The following THBS4 variants were observed in gnomAD, a reference collection of about 807,000 sequenced individuals.
The protein encoded by THBS4 is thrombospondin-4.
Under a neutral mutation model 115.7 loss-of-function variants are expected in THBS4, and 90 were observed. The observed-to-expected ratio is 0.78, with a 90% confidence interval of 0.66 to 0.93. The LOEUF is 0.93. Ranked by LOEUF, THBS4 falls within the 40% of genes least tolerant of loss-of-function variation. The probability of loss-of-function intolerance (pLI) is 0.00; values close to 1 mark genes in which losing one functional copy is unlikely to be tolerated. For synonymous variants in THBS4, 460 were observed against 479.3 expected (o/e 0.96, Z 0.53); for missense variants, 1,087 against 1,232.7 (o/e 0.88, Z 1.77).
chr5:80,070,477 G>T, intron 11 of THBS4, 67 bp downstream of exon 11: 2 of 1,498,182 alleles, frequency 1.3e-6, no homozygotes, highest in Non-Finnish European at 1.9e-6. Context: ...TCTTCTATGG[G>T]GAGAGGTTCT....
chr5:80,083,075 T>G lies in THBS4; in HGVS notation c.2825-5T>G, dbSNP rs1743610518. ...CTAACCTCCCTGTGCCCATTCCTAT[T>G]GCAGACACCATCCCTGAGGACTTCC... On this transcript the variant is annotated splice_region_variant and splice_polypyrimidine_tract_variant and intron_variant, in intron 21 of 21. Transcript: ENST00000350881. 1 of 1,613,702 alleles carries G rather than the reference T, an allele frequency of 6.2e-7. No individual in the cohort carries two copies. Among genetic ancestry groups the G allele is most frequent in the South Asian group, 1.1e-5 (1 of 91,088 alleles).
At chr5:80,033,602 T>C (rs1350632023), upstream of THBS4, among the ~76,000 whole-genome samples, 1 of 152,172 alleles carries the variant, frequency 6.6e-6, no homozygotes, top group African/African-American at 2.4e-5. Flanking sequence ...TGCTCTCTAG[T>C]CTCCCATTTT....
rs746496657 is a variant in THBS4 at position 80,061,681 on chromosome 5, T to G, written c.988-14T>G. On this transcript the variant is annotated splice_polypyrimidine_tract_variant and intron_variant, in intron 7 of 21. Coordinates refer to ENST00000350881, the MANE Select transcript of THBS4 (RefSeq NM_003248.6). ...CTCGGTGTGGCTAAAGACTTTGAAC[T>G]TTTTTGTCTCCAGTGCAAATACCAT... The G allele has an allele frequency of 6.3e-7, 1 of 1,594,882 alleles. No homozygotes were observed. The highest frequency in any genetic ancestry group is 2.2e-5 in the East Asian group (1 of 44,512).
At chr5:80,079,649 T>C (rs1264429058) in intron 19 of THBS4, among the ~76,000 whole-genome samples, 2 of 152,178 alleles carry the variant, frequency 1.3e-5, no homozygotes, top group Non-Finnish European at 2.9e-5. Context: ...GGAGCCCTCA[T>C]TGGGCAAATG....
intron 2 of THBS4, among the ~76,000 whole-genome samples, chr5:80,006,620 A>G (rs1020546234): frequency 2.0e-5 from 3 of 152,166 alleles, no homozygotes; most frequent in Admixed American, 6.5e-5. Flanking sequence ...TCACTGTCAG[A>G]TTGGACACTT....
At position 80,055,967 on chromosome 5, in the gene THBS4, G is replaced by A. The variant is rs765249108; in HGVS notation, c.475G>A (p.Ala159Thr). The A allele has an allele frequency of 2.5e-6, 4 of 1,613,948 alleles. No homozygotes were observed. In the East Asian group the frequency reaches 8.9e-5, roughly 36 times the overall value. Residue 159 changes from alanine to threonine, a missense_variant, in exon 3 of 22, where the codon GCC (alanine) becomes ACC (threonine). Around this residue, in one of 3 missense-constraint regions of THBS4, gnomAD observed 979 missense variants for 1,103.7 expected, o/e 0.89. Coordinates refer to ENST00000350881, the MANE Select transcript of THBS4 (RefSeq NM_003248.6). Reference sequence around the variant, plus strand: ...GGATTCCGTTCACAATCTCCCCAGGGCCTTTGCTGGCCCCTCCCAGAAACC... The same window carrying A: ...GGATTCCGTTCACAATCTCCCCAGGACCTTTGCTGGCCCCTCCCAGAAACC... The part of the protein sequence containing the change: ...QVDSVHNLPR[A>T]FAGPSQKPET...
In THBS4 at chr5:80,056,037, G is replaced by GAA; in HGVS notation, c.540+6_540+7dup. 3 of 1,592,692 alleles carry GAA rather than the reference G, an allele frequency of 1.9e-6. No homozygotes were observed. The highest frequency in any genetic ancestry group is 2.6e-6 in the Non-Finnish European group (3 of 1,166,152). On this transcript the variant is annotated splice_donor_region_variant and intron_variant, in intron 3 of 21. Coordinates refer to ENST00000350881, the MANE Select transcript of THBS4 (RefSeq NM_003248.6). ...ACTTTCCAGAGGAAGCCACAGGTAG[G>GAA]AACCCACAAACCATTCTCTGAAGTG...
upstream of THBS4, among the ~76,000 whole-genome samples, chr5:80,034,374 G>A (rs1580927983): frequency 6.6e-6 from 1 of 152,172 alleles, no homozygotes; most frequent in Non-Finnish European, 1.5e-5. Context: ...ATTAAACTTT[G>A]AAATGGAATT....
At chr5:80,053,234 G>T (rs1000383299) in intron 2 of THBS4, 1 of 151,510 alleles carries the variant, frequency 6.6e-6, no homozygotes, top group African/African-American at 2.4e-5. Context: ...ACAAAATACT[G>T]GGAATGTCTT....
chr5:80,074,957 C>A (rs1031045439), intron 15 of THBS4, among the ~76,000 whole-genome samples: 5 of 152,008 alleles, frequency 3.3e-5, no homozygotes, highest in Non-Finnish European at 7.4e-5. Flanking sequence ...GTATTGGTCC[C>A]AGGATACCCC....
chr5:80,038,224 T>G (rs960348859), intron 1 of THBS4, among the ~76,000 whole-genome samples: 3 of 152,202 alleles, frequency 2.0e-5, no homozygotes, highest in Admixed American at 6.5e-5. Context: ...CGGGGATAGC[T>G]TCTATTAACA....
rs906626563 is a variant in THBS4, at chr5:80,073,391, T to G, written c.1892+64T>G. The G allele has an allele frequency of 3.1e-5, 36 of 1,178,170 alleles. No homozygotes were observed. In the African/African-American group the frequency reaches 5.6e-4, roughly 18 times the overall value. 73.0% of individuals were successfully genotyped at this position (1,178,170 alleles called of 1,614,324 possible). A position where few individuals can be genotyped will look rare whatever the true frequency, so the allele number is the denominator to read the frequency against. ...ACATCCGGAGAGGGTTTTTGGTTTG[T>G]TTTTTTTTTTGAGGCGGAGTCTCAC... is the stretch of plus-strand genomic sequence containing the variant. On this transcript the variant is annotated intron_variant, in intron 15 of 21. Coordinates refer to ENST00000350881, the MANE Select transcript of THBS4 (RefSeq NM_003248.6).
chr5:79,995,686 G>A (rs954941330), intron 1 of THBS4, among the ~76,000 whole-genome samples: 1 of 152,150 alleles, frequency 6.6e-6, no homozygotes, highest in African/African-American at 2.4e-5. Flanking sequence ...GGCAGGCATT[G>A]AAAATGAGAG....
chr5:80,040,047 C>G, intron 1 of THBS4, 30 bp from the exon 2 acceptor site: 1 of 1,603,272 alleles, frequency 6.2e-7, no homozygotes, highest in Admixed American at 1.7e-5. Context: ...GAATCTTTCA[C>G]TTATACCCCT....
intron 15 of THBS4, 30 bp from the exon 16 acceptor site, chr5:80,076,825 G>A (rs752622540): frequency 2.0e-6 from 3 of 1,509,372 alleles, no homozygotes; most frequent in African/African-American, 1.4e-5. Flanking sequence ...GCTGAACTGT[G>A]AGCCACATCA....
At chr5:80,060,005 G>T (rs2112099357) in intron 7 of THBS4, 100 bp downstream of exon 7, 1 of 1,209,886 alleles carries the variant, frequency 8.3e-7, no homozygotes, top group East Asian at 2.3e-5. Flanking sequence ...GCTGACTTGG[G>T]CTGTCCTCCA....
chr5:80,044,364 C>G (rs1832993887), intron 2 of THBS4, among the ~76,000 whole-genome samples: 1 of 152,128 alleles, frequency 6.6e-6, no homozygotes, highest in African/African-American at 2.4e-5. Context: ...AAATGACATA[C>G]ACCATTGTGA....
At chr5:80,045,826 C>T (rs1010836877) in intron 2 of THBS4, among the ~76,000 whole-genome samples, 4 of 152,094 alleles carry the variant, frequency 2.6e-5, no homozygotes, top group Admixed American at 1.3e-4. Flanking sequence ...CAACCATGCC[C>T]GGCCCTATGG....
chr5:80,042,478 A>G (rs1411309168), intron 2 of THBS4, among the ~76,000 whole-genome samples: 2 of 152,074 alleles, frequency 1.3e-5, no homozygotes, highest in East Asian at 1.9e-4. Context: ...CTCACCCTCT[A>G]TTTCTAAATT....
Sources: gnomAD v4.1 joint callset for allele counts (sites outside exome capture counted in the v4.1 genomes callset) on GRCh38, gnomAD v4.1.1 for gene constraint, gnomAD v4.1.1 regional missense constraint, MANE v1.5 for transcripts, NCBI Gene and HGNC (gene_info 2026-07-23, HGNC 2026-07-21) for gene names.